The following FCGR1A variants were observed in gnomAD, a reference collection of about 807,000 sequenced individuals.
FCGR1A encodes the protein high affinity immunoglobulin gamma Fc receptor I.
Under a neutral mutation model 35.0 loss-of-function variants are expected in FCGR1A, and 13 were observed. The ratio of observed to expected loss-of-function variants is 0.37; its 90% CI spans 0.24 to 0.59. The LOEUF (loss-of-function observed/expected upper bound fraction) is 0.59. FCGR1A is among the 20% of genes least tolerant of loss of function. The probability of loss-of-function intolerance (pLI) is 0.71; values close to 1 mark genes in which losing one functional copy is unlikely to be tolerated. For missense variants in FCGR1A, 227 were observed against 430.0 expected (o/e 0.53, Z 4.17); for synonymous variants, 91 against 164.7 (o/e 0.55, Z 3.43).
downstream of FCGR1A, among the ~76,000 whole-genome samples, chr1:149,793,538 G>T (rs1201684566): frequency 2.6e-5 from 4 of 152,102 alleles, no homozygotes; most frequent in Non-Finnish European, 5.9e-5. Flanking sequence ...GGGGAGAAAG[G>T]TGGGTCGGAC....
chr1:149,790,290 G>A lies in FCGR1A; in HGVS notation c.796G>A (p.Asp266Asn), dbSNP rs587727639. 1.0e-3 allele frequency: 1,644 copies of A among 1,586,368 alleles called. 6 individuals are homozygous for A. The African/African-American group carries it at 0.02, about 19-fold the overall frequency. ...ATACTGGTGCGAGGCTGCCACAGAG[G>A]ATGGAAATGTCCTTAAGCGCAGCCC... ...GLYWCEAATE[D>N]GNVLKRSPEL... Residue 266 changes from aspartate to asparagine, a missense_variant, in exon 5 of 6, where the codon GAT (aspartate) becomes AAT (asparagine). Physicochemically the swap from Asp to Asn is conservative, Grantham distance 23. Transcript: ENST00000369168.
In FCGR1A at chr1:149,788,557, C is replaced by A; in HGVS notation, c.499C>A (p.His167Asn). Residue 167 changes from histidine to asparagine, a missense_variant, in exon 4 of 6, where the codon CAT becomes AAT. Around this residue, in one of 3 missense-constraint regions of FCGR1A, gnomAD observed 185 missense variants for 306.6 expected, o/e 0.60. Coordinates refer to ENST00000369168, the MANE Select transcript of FCGR1A (RefSeq NM_000566.4). Reference sequence around the variant, plus strand: ...CAACATAAGTCACAATGGCACCTACCATTGCTCAGGCATGGGAAAGCATCG... The same window carrying A: ...CAACATAAGTCACAATGGCACCTACAATTGCTCAGGCATGGGAAAGCATCG... The part of the protein sequence containing the change: ...KTNISHNGTY[H>N]CSGMGKHRYT... The A allele has an allele frequency of 1.2e-6, 2 of 1,613,946 alleles. No homozygotes were observed. Among genetic ancestry groups the A allele is most frequent in the Non-Finnish European group, 1.7e-6 (2 of 1,179,860 alleles).
chr1:149,790,636 A>C (rs113151607), intron 5 of FCGR1A, among the ~76,000 whole-genome samples: 526 of 88,612 alleles, frequency 5.9e-3, no homozygotes, highest in Admixed American at 8.5e-3. Flanking sequence ...CCTCCCTCCC[A>C]CTCTTCCCTC....
rs1160709283 is a variant in FCGR1A, at chr1:149,784,205, C to T, written c.255C>T (p.Cys85=). Residue 85 remains cysteine, a synonymous_variant, in exon 3 of 6, where the codon TGC becomes TGT. Transcript: ENST00000369168. ...ASVNDSGEYR[C]QRGLSGRSDP... ...TCAATGACAGTGGTGAATACAGGTG[C>T]CAGAGAGGTCTCTCAGGGCGAAGTG... 1 of 1,611,200 alleles carries T rather than the reference C, an allele frequency of 6.2e-7. No homozygotes were observed. The highest frequency in any genetic ancestry group is 1.3e-5 in the African/African-American group (1 of 74,376).
downstream of FCGR1A, among the ~76,000 whole-genome samples, chr1:149,796,397 A>G (rs1301592260): frequency 6.6e-6 from 1 of 152,240 alleles, no homozygotes; most frequent in Non-Finnish European, 1.5e-5. Context: ...CTCTGAGAAG[A>G]TAATTTTGAA....
chr1:149,788,760 A>G, intron 4 of FCGR1A, 143 bp downstream of exon 4: 1 of 860,818 alleles, frequency 1.2e-6, no homozygotes, highest in Non-Finnish European at 1.8e-6. Context: ...CCACACCATG[A>G]CCAGTAGCTG....
the FCGR1A span, among the ~76,000 whole-genome samples, chr1:149,798,180 TTTGA>T: frequency 2.0e-4 from 29 of 143,960 alleles, no homozygotes; most frequent in African/African-American, 7.3e-4. Context: ...GGAGGGCATG[TTTGA>T]TTATTTTATT....
the FCGR1A span, among the ~76,000 whole-genome samples, chr1:149,798,736 T>G: frequency 6.6e-6 from 1 of 152,140 alleles, no homozygotes; most frequent in Non-Finnish European, 1.5e-5. Flanking sequence ...TTCAGCCTCC[T>G]AAGTAGCTGG....
chr1:149,793,758 C>T (rs1210485406), downstream of FCGR1A, among the ~76,000 whole-genome samples: 1 of 151,718 alleles, frequency 6.6e-6, no homozygotes, highest in Non-Finnish European at 1.5e-5. Context: ...GTATGGAGAC[C>T]TCTAAATTCA....
rs371428702 is a variant in FCGR1A at position 149,784,277 on chromosome 1, G to A, written c.307+20G>A. 6.2e-7 allele frequency: 1 copy of A among 1,609,504 alleles called. No homozygotes were observed. Among genetic ancestry groups the A allele is most frequent in the Non-Finnish European group, 8.5e-7 (1 of 1,179,854 alleles). On this transcript the variant is annotated intron_variant, in intron 3 of 5. Coordinates refer to ENST00000369168, the MANE Select transcript of FCGR1A (RefSeq NM_000566.4). ...ACAGAGGTAATTATGACTTGGACCA[G>A]GAGGGCCGGAAACCACAAGGTCTTC... is the stretch of plus-strand genomic sequence containing the variant.
intron 4 of FCGR1A, among the ~76,000 whole-genome samples, chr1:149,789,334 A>G (rs1233856620): frequency 2.0e-5 from 3 of 152,150 alleles, no homozygotes; most frequent in Admixed American, 2.0e-4. Context: ...CGGAGCTTGC[A>G]GTGAGCTGAG....
rs782784173 is a variant in FCGR1A at position 149,788,446 on chromosome 1, A to G, written c.388A>G (p.Lys130Glu). ...CTTGAGGTGTCATGCGTGGAAGGAT[A>G]AGCTGGTGTACAATGTGCTTTACTA... is the stretch of plus-strand genomic sequence containing the variant. ...LALRCHAWKD[K>E]LVYNVLYYRN... Residue 130 changes from lysine to glutamate, a missense_variant, in exon 4 of 6, where the codon AAG becomes GAG. Coordinates refer to ENST00000369168, the MANE Select transcript of FCGR1A (RefSeq NM_000566.4). 1 of 1,613,772 alleles carries G rather than the reference A, an allele frequency of 6.2e-7. No individual in the cohort carries two copies. The highest frequency in any genetic ancestry group is 8.5e-7 in the Non-Finnish European group (1 of 1,179,790).
At chr1:149,789,926 A>C in intron 4 of FCGR1A, 128 bp from the exon 5 acceptor site, 1 of 1,580,108 alleles carries the variant, frequency 6.3e-7, no homozygotes. Flanking sequence ...CTGGAAGTAA[A>C]AAGGGTTAAT....
chr1:149,793,100 C>A, downstream of FCGR1A: 5 of 1,274,284 alleles, frequency 3.9e-6, no homozygotes, highest in Non-Finnish European at 5.1e-6. Context: ...CGCCAAGCCC[C>A]GGGGATGCTG....
intron 3 of FCGR1A, chr1:149,785,889 C>T (rs1236008515): frequency 6.6e-6 from 1 of 151,986 alleles, no homozygotes; most frequent in African/African-American, 2.4e-5. Flanking sequence ...TAAAGGGCTA[C>T]GGTATGGGAC....
chr1:149,793,271 T>A (rs2091758621), downstream of FCGR1A: 58 of 1,216,708 alleles, frequency 4.8e-5, no homozygotes, highest in Non-Finnish European at 5.9e-5. Flanking sequence ...GGGTGGGGAG[T>A]GGGAGAGGCC....
chr1:149,793,222 C>T (rs1553752412), downstream of FCGR1A: 2 of 1,266,342 alleles, frequency 1.6e-6, no homozygotes, highest in South Asian at 1.3e-5. Context: ...CTTGGCTTGT[C>T]GCAAGAGCAG....
At chr1:149,789,297 G>A (rs1298656068) in intron 4 of FCGR1A, among the ~76,000 whole-genome samples, 2 of 152,164 alleles carry the variant, frequency 1.3e-5, no homozygotes, top group Non-Finnish European at 2.9e-5. Flanking sequence ...GGAGGCTGAG[G>A]CAGGAGAATA....
chr1:149,799,753 A>G, the FCGR1A span, among the ~76,000 whole-genome samples: 3 of 152,104 alleles, frequency 2.0e-5, no homozygotes, highest in African/African-American at 7.2e-5. Flanking sequence ...CTCTGCATGC[A>G]TCTTTTTATA....
Sources: allele counts gnomAD v4.1 joint callset (sites outside exome capture counted in the v4.1 genomes callset), GRCh38; gene constraint gnomAD v4.1.1; regional missense constraint gnomAD v4.1.1; transcripts MANE v1.5; gene names NCBI Gene and HGNC (gene_info 2026-07-23, HGNC 2026-07-21).